The following HSPA9 variants were observed in gnomAD, a reference collection of about 807,000 sequenced individuals.
HSPA9 encodes the protein stress-70 protein, mitochondrial.
A neutral mutation model predicts 81.5 loss-of-function variants in HSPA9; 28 were observed. The observed-to-expected ratio is 0.34, with a 90% confidence interval of 0.25 to 0.47. The LOEUF is 0.47. Among genes scored for constraint, HSPA9 ranks in the 20% least tolerant of loss-of-function variants. HSPA9 has a pLI of 1.00. For synonymous variants in HSPA9, 293 were observed against 290.4 expected (o/e 1.01, Z -0.09); for missense variants, 678 against 838.0 (o/e 0.81, Z 2.36).
intron 4 of HSPA9, 48 bp from the exon 5 acceptor site, chr5:138,569,097 C>T (rs1487510074): frequency 1.3e-6 from 2 of 1,591,714 alleles, no homozygotes; most frequent in Non-Finnish European, 1.7e-6. Context: ...GAACAACTTA[C>T]CATGACAAAA....
rs1364826753 is a variant in HSPA9, at chr5:138,569,061, A to G, written c.411-12T>C. 24 of 1,612,750 alleles carry G rather than the reference A, an allele frequency of 1.5e-5. No homozygotes were observed. The highest frequency in any genetic ancestry group is 2.0e-5 in the Non-Finnish European group (24 of 1,179,076). On this transcript the variant is annotated splice_polypyrimidine_tract_variant and intron_variant, in intron 4 of 16. Coordinates refer to ENST00000297185, the MANE Select transcript of HSPA9 (RefSeq NM_004134.7). ...AGGGAACATTTTTACTGTAAGACAC[A>G]AAAATTCTATTAGAGAAAACTACCT...
At chr5:138,575,007 A>G in intron 1 of HSPA9, 1 of 594,556 alleles carries the variant, frequency 1.7e-6, no homozygotes, top group Non-Finnish European at 3.0e-6. Flanking sequence ...GTAATTTTGA[A>G]ATGACACTCT....
chr5:138,556,525 C>G lies in HSPA9; in HGVS notation c.1889G>C (p.Gly630Ala). ...GGATGCTGCCTGTCTAATATTTTCT[C>G]CTGTTTCGCTGTCTTTTCTAGCCAG... Reference protein sequence around the residue: ...ELLARKDSETGENIRQAASSL... With the variant: ...ELLARKDSETAENIRQAASSL... Residue 630 changes from glycine to alanine, a missense_variant, in exon 16 of 17, where the codon GGA (glycine) becomes GCA (alanine). Gly to Ala is a moderately conservative substitution (Grantham distance 60, BLOSUM62 0). This residue lies in a region of HSPA9 where 100 missense variants were observed against 99.5 expected (regional missense o/e 1.00). Transcript: ENST00000297185. The G allele has an allele frequency of 6.2e-7, 1 of 1,614,100 alleles. No homozygotes were observed. The highest frequency in any genetic ancestry group is 8.5e-7 in the Non-Finnish European group (1 of 1,179,986).
chr5:138,563,451 C>T (rs1023707074), intron 9 of HSPA9, among the ~76,000 whole-genome samples: 9 of 152,084 alleles, frequency 5.9e-5, no homozygotes, highest in Admixed American at 2.0e-4. Flanking sequence ...CTTTCCTTAC[C>T]CTCCTCTCTC....
intron 4 of HSPA9, among the ~76,000 whole-genome samples, 156 bp from the exon 5 acceptor site, chr5:138,569,205 A>G (rs1244780889): frequency 6.6e-6 from 1 of 152,246 alleles, no homozygotes; most frequent in African/African-American, 2.4e-5. Flanking sequence ...AATCACTAAC[A>G]TGGTTTATGA....
intron 2 of HSPA9, 95 bp downstream of exon 2, chr5:138,573,969 CAGAT>C (rs1325227168): frequency 1.6e-6 from 2 of 1,245,848 alleles, no homozygotes; most frequent in South Asian, 2.5e-5. Context: ...TAAATAAATA[CAGAT>C]AAATAATTAC....
intron 4 of HSPA9, 93 bp from the exon 5 acceptor site, chr5:138,569,142 A>G: frequency 8.3e-7 from 1 of 1,207,508 alleles, no homozygotes; most frequent in Non-Finnish European, 1.2e-6. Flanking sequence ...CTTCCACCCC[A>G]AGAGACTCAT....
intron 9 of HSPA9, among the ~76,000 whole-genome samples, chr5:138,562,485 A>T (rs543831220): frequency 2.0e-5 from 3 of 152,034 alleles, no homozygotes; most frequent in Admixed American, 6.5e-5. Context: ...CGGGAGGTGG[A>T]GGTTGCGGTG....
At chr5:138,563,024 T>G (rs1300098574) in intron 9 of HSPA9, among the ~76,000 whole-genome samples, 1 of 152,234 alleles carries the variant, frequency 6.6e-6, no homozygotes, top group Non-Finnish European at 1.5e-5. Flanking sequence ...TAACCACCTT[T>G]CTTCAGGAGA....
intron 9 of HSPA9, 142 bp downstream of exon 9, chr5:138,566,484 G>A (rs1750764877): frequency 1.4e-6 from 1 of 707,558 alleles, no homozygotes; most frequent in Non-Finnish European, 2.5e-6. Context: ...CATGGCAAAG[G>A]TCTCTAGAAA....
At chr5:138,556,357 CCA>C (rs1478320144) in intron 16 of HSPA9, 93 bp downstream of exon 16, 10 of 1,426,224 alleles carry the variant, frequency 7.0e-6, no homozygotes, top group African/African-American at 2.8e-5. Flanking sequence ...ACTCTAAATT[CCA>C]CAAATGGCTA....
At chr5:138,563,141 A>G (rs1750694553) in intron 9 of HSPA9, among the ~76,000 whole-genome samples, 1 of 152,200 alleles carries the variant, frequency 6.6e-6, no homozygotes, top group South Asian at 2.1e-4. Flanking sequence ...ATGTTGATTA[A>G]CCAAATCAGA....
chr5:138,559,693 A>C (rs57973726), intron 11 of HSPA9, 171 bp downstream of exon 11: 1 of 630,258 alleles, frequency 1.6e-6, no homozygotes, highest in African/African-American at 1.8e-5. Context: ...TAACAAAAAA[A>C]CAAAAAACAA....
intron 12 of HSPA9, 98 bp from the exon 13 acceptor site, chr5:138,558,084 T>C: frequency 1.2e-6 from 1 of 839,806 alleles, no homozygotes; most frequent in Non-Finnish European, 2.1e-6. Flanking sequence ...AGTCACTTGG[T>C]TCCTGGGAGA....
chr5:138,561,187 A>G, intron 10 of HSPA9: 1 of 419,704 alleles, frequency 2.4e-6, no homozygotes, highest in South Asian at 1.6e-5. Context: ...GGTATTACCA[A>G]GGTTTTATGT....
At chr5:138,556,924 G>T in intron 14 of HSPA9, 58 bp from the exon 15 acceptor site, 1 of 1,151,322 alleles carries the variant, frequency 8.7e-7, no homozygotes, top group Non-Finnish European at 1.3e-6. Flanking sequence ...TTTGCTGAAT[G>T]TCTATACTCA....
intron 3 of HSPA9, among the ~76,000 whole-genome samples, chr5:138,572,392 C>G (rs41295697): frequency 0.012 from 1,827 of 152,252 alleles, 50 homozygotes; most frequent in African/African-American, 0.041. Flanking sequence ...GTGGGAATGG[C>G]TTGCACTGTT....
At chr5:138,568,200 A>G (rs916094238) in intron 5 of HSPA9, among the ~76,000 whole-genome samples, 1 of 150,886 alleles carries the variant, frequency 6.6e-6, no homozygotes, top group African/African-American at 2.4e-5. Context: ...CAAACAAACA[A>G]ACCCAAGATC....
intron 1 of HSPA9, 63 bp downstream of exon 1, chr5:138,575,175 A>T (rs1751062236): frequency 1.8e-5 from 21 of 1,177,012 alleles, no homozygotes; most frequent in Non-Finnish European, 5.0e-6. Flanking sequence ...GGCCTGCCGC[A>T]GCGAAGCCCG....
Sources: gnomAD v4.1 joint callset for allele counts (sites outside exome capture counted in the v4.1 genomes callset) on GRCh38, gnomAD v4.1.1 for gene constraint, gnomAD v4.1.1 regional missense constraint, MANE v1.5 for transcripts, NCBI Gene and HGNC (gene_info 2026-07-23, HGNC 2026-07-21) for gene names.